The following NRG3 variants were observed in gnomAD, a reference collection of about 807,000 sequenced individuals.
NRG3 encodes neuregulin 3.
A neutral mutation model predicts 66.9 loss-of-function variants in NRG3; 31 were observed. The observed-to-expected ratio is 0.46, with a 90% CI of 0.35 to 0.63. The LOEUF (loss-of-function observed/expected upper bound fraction) is 0.63. Among genes scored for constraint, NRG3 ranks in the 20% least tolerant of loss-of-function variants. The pLI, the probability that NRG3 is intolerant of heterozygous loss-of-function variation, is 0.00. For synonymous variants in NRG3, 393 were observed against 359.4 expected, an observed-to-expected ratio of 1.09 and a Z score of -1.06; for missense variants, 910 against 878.9, an observed-to-expected ratio of 1.04 and a Z score of -0.45.
intron 2 of NRG3, among the ~76,000 whole-genome samples, chr10:82,636,476 A>C (rs536682180): frequency 6.6e-6 from 1 of 152,344 alleles, no homozygotes; most frequent in South Asian, 2.1e-4. Context: ...GTTCTCAAAA[A>C]GAATGATGAG....
intron 3 of NRG3, among the ~76,000 whole-genome samples, chr10:82,830,209 C>G (rs2062447634): frequency 6.6e-6 from 1 of 152,126 alleles, no homozygotes; most frequent in South Asian, 2.1e-4. Flanking sequence ...ATCGGTTTAA[C>G]TTTGTATAAA....
chr10:82,899,383 G>C (rs1397063129), intron 4 of NRG3, among the ~76,000 whole-genome samples: 2 of 152,160 alleles, frequency 1.3e-5, no homozygotes, highest in East Asian at 1.9e-4. Flanking sequence ...GTACTTAACA[G>C]TATGAACAAA....
chr10:82,264,644 A>G (rs1407119679), intron 1 of NRG3, among the ~76,000 whole-genome samples: 2 of 152,210 alleles, frequency 1.3e-5, no homozygotes, highest in Admixed American at 1.3e-4. Context: ...AAGTCGGGAA[A>G]AGGAAGATTT....
Position 81,876,024 on chromosome 10 carries a change from A to G in NRG3, c.684A>G (p.Ala228=), listed in dbSNP as rs760130187. ...TQAMPSWPTA[A]YATSSYLHDS... ...CAATGCCCTCCTGGCCTACTGCGGC[A>G]TACGCTACCTCCTCCTACCTTCACG... The change falls in exon 1 of 9, where the codon GCA becomes GCG. Residue 228 remains alanine (A), a synonymous_variant. Coordinates refer to ENST00000372141, the MANE Select transcript of NRG3 (RefSeq NM_001010848.4). The G allele has an allele frequency of 1.9e-6, 3 of 1,613,902 alleles. No homozygotes were observed. In the African/African-American group the frequency reaches 4.0e-5, roughly 22 times the overall value.
chr10:82,604,075 A>G (rs1439317249), intron 2 of NRG3, among the ~76,000 whole-genome samples: 2 of 152,114 alleles, frequency 1.3e-5, no homozygotes, highest in African/African-American at 4.8e-5. Context: ...GCCATAGTTT[A>G]TGTTAAAGTT....
chr10:82,040,005 C>T (rs758858510), intron 1 of NRG3, among the ~76,000 whole-genome samples: 14 of 146,516 alleles, frequency 9.6e-5, no homozygotes, highest in Non-Finnish European at 1.8e-4. Context: ...AATACTGCTC[C>T]ACAGCACAAA....
At chr10:82,720,158 G>C (rs1228113131) in intron 2 of NRG3, among the ~76,000 whole-genome samples, 2 of 152,168 alleles carry the variant, frequency 1.3e-5, no homozygotes, top group African/African-American at 4.8e-5. Context: ...GGGAGGCCGA[G>C]GTGGGCTGAT....
chr10:82,335,371 C>G (rs2082337898), intron 1 of NRG3, among the ~76,000 whole-genome samples: 1 of 152,066 alleles, frequency 6.6e-6, no homozygotes, highest in Non-Finnish European at 1.5e-5. Flanking sequence ...ACCTAGGAAC[C>G]CTTTCCTACT....
intron 6 of NRG3, among the ~76,000 whole-genome samples, chr10:82,973,464 A>G (rs1005529516): frequency 1.3e-5 from 2 of 152,226 alleles, no homozygotes; most frequent in African/African-American, 4.8e-5. Flanking sequence ...TACATCAACT[A>G]AAACATACTT....
chr10:82,810,931 G>A (rs2061468035), intron 3 of NRG3, among the ~76,000 whole-genome samples: 1 of 152,026 alleles, frequency 6.6e-6, no homozygotes, highest in Admixed American at 6.6e-5. Context: ...AAATTCTTAT[G>A]AATTTTCAGA....
At chr10:81,897,716 G>A (rs901872216) in intron 1 of NRG3, among the ~76,000 whole-genome samples, 2 of 152,084 alleles carry the variant, frequency 1.3e-5, no homozygotes, top group African/African-American at 4.8e-5. Flanking sequence ...TGTGTGGAAG[G>A]GAGGGAATAG....
rs531092138 is a variant in NRG3, at chr10:82,497,569, G to C, written c.953+138701G>C. ...TCTTCTTCTTTTTAAAAGCTGAATA[G>C]TACTTTAGTGTGTGTGTATGTGTGT... On this transcript the variant is annotated intron_variant, in intron 2 of 8. Coordinates refer to ENST00000372141, the MANE Select transcript of NRG3 (RefSeq NM_001010848.4). Among the ~76,000 whole-genome samples the C allele has an allele frequency of 2.6e-5, 4 of 152,102 alleles. No homozygotes were observed. In the South Asian group the frequency reaches 8.3e-4, roughly 32 times the overall value.
chr10:82,503,934 G>A lies in NRG3; in HGVS notation c.953+145066G>A, dbSNP rs144362522. ...AAGGAGGCAGACGGCCTGGACAACAGCTGTGTATAAGGTAATCTTTGAATG... is the reference window on the plus strand; with the variant it reads ...AAGGAGGCAGACGGCCTGGACAACAACTGTGTATAAGGTAATCTTTGAATG... On this transcript the variant is annotated intron_variant, in intron 2 of 8. Transcript: ENST00000372141. Among the ~76,000 whole-genome samples the A allele has an allele frequency of 7.2e-5, 11 of 152,262 alleles. No individual in the cohort carries two copies. In the East Asian group the frequency reaches 2.1e-3, roughly 29 times the overall value.
chr10:82,624,099 T>C (rs1306806839), intron 2 of NRG3, among the ~76,000 whole-genome samples: 1 of 152,180 alleles, frequency 6.6e-6, no homozygotes, highest in Non-Finnish European at 1.5e-5. Context: ...AATTTTGCCA[T>C]ATGAAAGGCC....
chr10:82,270,058 C>T (rs2078513054), intron 1 of NRG3, among the ~76,000 whole-genome samples: 1 of 152,148 alleles, frequency 6.6e-6, no homozygotes, highest in Non-Finnish European at 1.5e-5. Context: ...CAAAGTGCTT[C>T]CAACAGTTTT....
intron 2 of NRG3, among the ~76,000 whole-genome samples, chr10:82,524,086 C>G (rs528545759): frequency 6.6e-6 from 1 of 152,148 alleles, no homozygotes; most frequent in South Asian, 2.1e-4. Flanking sequence ...TTGTACATAT[C>G]TAACAAACAC....
intron 3 of NRG3, among the ~76,000 whole-genome samples, chr10:82,741,327 T>C (rs2058413310): frequency 6.6e-6 from 1 of 152,166 alleles, no homozygotes; most frequent in Non-Finnish European, 1.5e-5. Flanking sequence ...TGTGGATATA[T>C]AAACATGGGG....
At chr10:82,337,092 T>A (rs2082430243) in intron 1 of NRG3, among the ~76,000 whole-genome samples, 1 of 152,226 alleles carries the variant, frequency 6.6e-6, no homozygotes, top group African/African-American at 2.4e-5. Context: ...TGTCCCCTTT[T>A]ACTTCTTACT....
chr10:82,854,988 C>A (rs748229287), intron 3 of NRG3, among the ~76,000 whole-genome samples: 1 of 152,090 alleles, frequency 6.6e-6, no homozygotes, highest in South Asian at 2.1e-4. Context: ...TTTGGGTAGC[C>A]TTTCTGTTTG....
Sources: allele counts gnomAD v4.1 joint callset (sites outside exome capture counted in the v4.1 genomes callset), GRCh38; gene constraint gnomAD v4.1.1; transcripts MANE v1.5; gene names NCBI Gene and HGNC (gene_info 2026-07-23, HGNC 2026-07-21).